Variants in ZC3H12B observed in about 807,000 individuals in gnomAD.
ZC3H12B encodes the protein zinc finger CCCH-type containing 12B.
ZC3H12B carries 7 observed loss-of-function variants against 43.9 expected under a neutral mutation model. The observed-to-expected ratio is 0.16, with a 90% confidence interval of 0.09 to 0.30. The LOEUF is 0.30. ZC3H12B is among the 10% of genes least tolerant of loss of function. The pLI is 1.00. For synonymous variants in ZC3H12B, 222 were observed against 241.7 expected (o/e 0.92, Z 0.76); for missense variants, 475 against 670.2 (o/e 0.71, Z 3.22).
chrX:65,387,585 T>C (rs1395621592), intron 2 of ZC3H12B, among the ~76,000 whole-genome samples: 5 of 112,299 alleles, frequency 4.5e-5, no homozygotes, highest in Non-Finnish European at 9.4e-5. Context: ...TGGTCTTGAC[T>C]CTTTATCCAA....
chrX:65,175,974 A>G, the ZC3H12B span, among the ~76,000 whole-genome samples: 1 of 111,985 alleles, frequency 8.9e-6, no homozygotes, highest in African/African-American at 3.3e-5. Flanking sequence ...ATTTGGGCAG[A>G]CACCAAACTA....
chrX:65,202,515 A>G, the ZC3H12B span, among the ~76,000 whole-genome samples: 1 of 109,908 alleles, frequency 9.1e-6, no homozygotes. Context: ...CTTGGATAAC[A>G]ACCAGAAGAT....
intron 1 of ZC3H12B, among the ~76,000 whole-genome samples, chrX:65,496,361 A>C (rs1403808592): frequency 8.9e-6 from 1 of 112,086 alleles, no homozygotes; most frequent in Admixed American, 9.5e-5. Context: ...ATATGTGCTT[A>C]AGACTTATCC....
the ZC3H12B span, among the ~76,000 whole-genome samples, chrX:65,167,798 G>A: frequency 9.0e-6 from 1 of 111,466 alleles, no homozygotes; most frequent in East Asian, 2.8e-4. Flanking sequence ...TCTCTTTGAA[G>A]CAATTGTGAA....
At chrX:65,197,649 A>T in the ZC3H12B span, among the ~76,000 whole-genome samples, 1 of 112,278 alleles carries the variant, frequency 8.9e-6, no homozygotes, top group African/African-American at 3.2e-5. Flanking sequence ...GTCATTCCCC[A>T]AAAGTCTAGT....
intron 3 of ZC3H12B, among the ~76,000 whole-genome samples, chrX:65,438,923 G>T (rs1378964129): frequency 8.9e-6 from 1 of 112,799 alleles, no homozygotes; most frequent in African/African-American, 3.2e-5. Context: ...GCCAGACTTT[G>T]GGAGGCTTGC....
intron 3 of ZC3H12B, among the ~76,000 whole-genome samples, chrX:65,475,183 T>C (rs945913516): frequency 2.7e-5 from 3 of 112,310 alleles, no homozygotes; most frequent in Non-Finnish European, 5.6e-5. Flanking sequence ...TTTTTATCTT[T>C]TAAGTTTTAT....
the ZC3H12B span, among the ~76,000 whole-genome samples, chrX:65,140,538 G>T: frequency 9.0e-6 from 1 of 111,625 alleles, no homozygotes; most frequent in African/African-American, 3.2e-5. Flanking sequence ...GTTCATCAGA[G>T]ATTTTGGCCA....
chrX:65,128,505 G>A, the ZC3H12B span, among the ~76,000 whole-genome samples: 3 of 111,213 alleles, frequency 2.7e-5, no homozygotes, highest in Non-Finnish European at 5.7e-5. Flanking sequence ...ATGTTTTGTT[G>A]GTGCATTGAA....
the ZC3H12B span, among the ~76,000 whole-genome samples, chrX:65,082,540 A>G: frequency 9.0e-6 from 1 of 111,491 alleles, no homozygotes; most frequent in Non-Finnish European, 1.9e-5. Context: ...CTAGACACAT[A>G]CAACTTATCC....
chrX:65,338,889 C>A, the ZC3H12B span, among the ~76,000 whole-genome samples: 2 of 112,134 alleles, frequency 1.8e-5, no homozygotes, highest in Non-Finnish European at 3.8e-5. Flanking sequence ...CCTTCTATGA[C>A]AAACCTACAG....
At chrX:65,452,425 T>G (rs1385471872) in intron 3 of ZC3H12B, among the ~76,000 whole-genome samples, 1 of 109,760 alleles carries the variant, frequency 9.1e-6, no homozygotes, top group Non-Finnish European at 1.9e-5. Flanking sequence ...ACACAACCAC[T>G]TTTACAATAG....
At chrX:65,373,986 A>ATATATATAGTATATATATATAAC (rs1569379791) in intron 2 of ZC3H12B, among the ~76,000 whole-genome samples, 1 of 28,903 alleles carries the variant, frequency 3.5e-5, no homozygotes, top group African/African-American at 2.4e-4. Flanking sequence ...TATATATACT[A>ATATATATAGTATATATATATAAC]TATATATATA....
the ZC3H12B span, among the ~76,000 whole-genome samples, chrX:65,067,369 C>G: frequency 2.7e-5 from 3 of 111,640 alleles, no homozygotes; most frequent in Non-Finnish European, 3.8e-5. Context: ...AGCACAGTCT[C>G]GCACAGCTTC....
the ZC3H12B span, among the ~76,000 whole-genome samples, chrX:65,057,514 C>T: frequency 8.9e-6 from 1 of 111,791 alleles, no homozygotes; most frequent in Non-Finnish European, 1.9e-5. Context: ...CTGCCCTTAA[C>T]ATTTTTACCT....
chrX:65,086,161 A>G, the ZC3H12B span, among the ~76,000 whole-genome samples: 1 of 106,226 alleles, frequency 9.4e-6, no homozygotes, highest in Non-Finnish European at 1.9e-5. Context: ...TTTGCCTTCT[A>G]TGACCTTGGC....
chrX:65,236,783 A>C, the ZC3H12B span, among the ~76,000 whole-genome samples: 1 of 111,762 alleles, frequency 8.9e-6, no homozygotes, highest in African/African-American at 3.3e-5. Context: ...AATTCTCCCA[A>C]CACTATTTAT....
At chrX:65,480,225 A>G (rs1310234852) in intron 3 of ZC3H12B, among the ~76,000 whole-genome samples, 2 of 112,576 alleles carry the variant, frequency 1.8e-5, no homozygotes, top group African/African-American at 6.5e-5. Flanking sequence ...ATTTCATGGC[A>G]TAAATATAAT....
the ZC3H12B span, among the ~76,000 whole-genome samples, chrX:65,335,482 A>G: frequency 8.9e-6 from 1 of 112,131 alleles, no homozygotes. Context: ...ACGAGTGTAC[A>G]AGGTATTTTC....
Sources: allele counts gnomAD v4.1 joint callset (sites outside exome capture counted in the v4.1 genomes callset), GRCh38; gene constraint gnomAD v4.1.1; transcripts MANE v1.5; gene names NCBI Gene and HGNC (gene_info 2026-07-23, HGNC 2026-07-21).